The following SDHAF3 variants were observed in gnomAD, a reference collection of about 807,000 sequenced individuals.
The protein encoded by SDHAF3 is succinate dehydrogenase assembly factor 3, mitochondrial.
Under a neutral mutation model 11.5 loss-of-function variants are expected in SDHAF3, and 18 were observed. The ratio of observed to expected loss-of-function variants is 1.56; its 90% CI spans 1.08 to 2.32. The LOEUF (loss-of-function observed/expected upper bound fraction) is 2.32. SDHAF3 is among the 30% of genes most tolerant of loss of function. SDHAF3 has a pLI of 0.00. For missense variants in SDHAF3, 200 were observed against 154.4 expected, an observed-to-expected ratio of 1.30 and a Z score of -1.57; for synonymous variants, 72 against 59.3, an observed-to-expected ratio of 1.21 and a Z score of -0.99.
At chr7:97,164,545 T>G (rs1789472197) in intron 1 of SDHAF3, among the ~76,000 whole-genome samples, 2 of 151,768 alleles carry the variant, frequency 1.3e-5, no homozygotes, top group African/African-American at 4.8e-5. Context: ...CCCGGCCAAT[T>G]TTGTATTTTT....
chr7:97,180,747 C>T (rs1490289536), intron 1 of SDHAF3, among the ~76,000 whole-genome samples: 1 of 152,034 alleles, frequency 6.6e-6, no homozygotes, highest in East Asian at 1.9e-4. Context: ...CTTCTGAAGC[C>T]CATCCAGGGA....
intron 1 of SDHAF3, among the ~76,000 whole-genome samples, chr7:97,177,227 G>A (rs886434863): frequency 3.9e-5 from 6 of 152,014 alleles, no homozygotes; most frequent in African/African-American, 1.4e-4. Flanking sequence ...ATCCGGCCAG[G>A]CACAGTAGCT....
At chr7:97,158,518 G>T (rs1789342919) in intron 1 of SDHAF3, among the ~76,000 whole-genome samples, 1 of 152,068 alleles carries the variant, frequency 6.6e-6, no homozygotes, top group Non-Finnish European at 1.5e-5. Context: ...ATAGAGACGG[G>T]GTTTCACCAT....
chr7:97,164,432 G>A (rs2115724847), intron 1 of SDHAF3, among the ~76,000 whole-genome samples: 1 of 148,978 alleles, frequency 6.7e-6, no homozygotes, highest in South Asian at 2.1e-4. Context: ...GCCCAGGCTG[G>A]AGTGCAATGG....
At chr7:97,145,646 A>G in intron 1 of SDHAF3, among the ~76,000 whole-genome samples, 1 of 152,212 alleles carries the variant, frequency 6.6e-6, no homozygotes, top group East Asian at 1.9e-4. Context: ...AATTGGTTCA[A>G]CATACATTCT....
intron 1 of SDHAF3, among the ~76,000 whole-genome samples, chr7:97,126,186 G>C (rs1437663681): frequency 6.6e-6 from 1 of 152,178 alleles, no homozygotes; most frequent in Non-Finnish European, 1.5e-5. Context: ...CGTCCCAGAG[G>C]GGCACCAGCC....
At chr7:97,151,431 T>A (rs1044089649) in intron 1 of SDHAF3, among the ~76,000 whole-genome samples, 20 of 151,412 alleles carry the variant, frequency 1.3e-4, no homozygotes, top group African/African-American at 4.9e-4. Context: ...CTACATAGAT[T>A]AAAATATCTC....
intron 1 of SDHAF3, among the ~76,000 whole-genome samples, chr7:97,165,811 A>G (rs1789495475): frequency 6.6e-6 from 1 of 152,226 alleles, no homozygotes. Context: ...TGGTCAGTAC[A>G]GTTTACACAT....
Position 97,171,090 on chromosome 7 carries a change from G to C in SDHAF3, c.175-9922G>C, listed in dbSNP as rs77340303. On this transcript the variant is annotated intron_variant, in intron 1 of 1. Coordinates refer to ENST00000432641, the MANE Select transcript of SDHAF3 (RefSeq NM_020186.3). ...CAAAGTGTCTTTGAATTTAGTTATT[G>C]TAATTCAGGTAACTTTCAGGTTTCT... is the stretch of plus-strand genomic sequence containing the variant. Among the ~76,000 whole-genome samples, 1,018 of 152,142 alleles carry C rather than the reference G, an allele frequency of 6.7e-3. 5 individuals carry two copies. Among genetic ancestry groups the C allele is most frequent in the Non-Finnish European group, 0.011 (734 of 67,978 alleles).
chr7:97,168,956 C>G (rs1789559153), intron 1 of SDHAF3, among the ~76,000 whole-genome samples: 1 of 152,222 alleles, frequency 6.6e-6, no homozygotes. Context: ...TAATGCTACA[C>G]TCTTTCATTT....
chr7:97,130,270 T>C (rs1181867841), intron 1 of SDHAF3, among the ~76,000 whole-genome samples: 1 of 122,780 alleles, frequency 8.1e-6, no homozygotes, highest in Non-Finnish European at 1.7e-5. Flanking sequence ...ATACCCAGTC[T>C]AAAAAAAAAA....
At chr7:97,139,552 A>G (rs146279154) in intron 1 of SDHAF3, among the ~76,000 whole-genome samples, 5 of 152,210 alleles carry the variant, frequency 3.3e-5, no homozygotes, top group African/African-American at 1.2e-4. Flanking sequence ...GAGGTTCTCA[A>G]TCTGGCCTGT....
At chr7:97,173,678 G>A (rs894168237) in intron 1 of SDHAF3, among the ~76,000 whole-genome samples, 2 of 150,720 alleles carry the variant, frequency 1.3e-5, no homozygotes, top group African/African-American at 4.9e-5. Context: ...TCAGCCTCCC[G>A]AATAGCTGGG....
intron 1 of SDHAF3, among the ~76,000 whole-genome samples, chr7:97,158,416 C>T (rs1349989942): frequency 6.6e-6 from 1 of 152,166 alleles, no homozygotes; most frequent in African/African-American, 2.4e-5. Context: ...CAACCTCTGT[C>T]TCCCGGGTTC....
chr7:97,146,743 G>T (rs1049423171), intron 1 of SDHAF3, among the ~76,000 whole-genome samples: 1 of 150,490 alleles, frequency 6.6e-6, no homozygotes, highest in Non-Finnish European at 1.5e-5. Flanking sequence ...ATATTTTTTT[G>T]CATTTAAATT....
At chr7:97,124,195 T>C (rs964057372) in intron 1 of SDHAF3, among the ~76,000 whole-genome samples, 1 of 152,190 alleles carries the variant, frequency 6.6e-6, no homozygotes, top group African/African-American at 2.4e-5. Context: ...GGGTCCAGTT[T>C]CTGTTTTTTG....
chr7:97,150,941 C>T (rs544591760), intron 1 of SDHAF3, among the ~76,000 whole-genome samples: 17 of 152,110 alleles, frequency 1.1e-4, no homozygotes, highest in African/African-American at 2.7e-4. Flanking sequence ...TGCACCACTG[C>T]GCCTGGCTGT....
At chr7:97,170,247 C>T (rs1789585899) in intron 1 of SDHAF3, among the ~76,000 whole-genome samples, 1 of 151,978 alleles carries the variant, frequency 6.6e-6, no homozygotes, top group Non-Finnish European at 1.5e-5. Context: ...TCTATTACTC[C>T]AGAAAGTTTC....
intron 1 of SDHAF3, among the ~76,000 whole-genome samples, chr7:97,127,807 A>G (rs1791597402): frequency 6.6e-6 from 1 of 151,522 alleles, no homozygotes; most frequent in African/African-American, 2.4e-5. Flanking sequence ...TCTCAGTCAA[A>G]TTGTTAATTC....
Sources: gnomAD v4.1 joint callset for allele counts (sites outside exome capture counted in the v4.1 genomes callset) on GRCh38, gnomAD v4.1.1 for gene constraint, MANE v1.5 for transcripts, NCBI Gene and HGNC (gene_info 2026-07-23, HGNC 2026-07-21) for gene names.